The following F13A1 variants were observed in gnomAD, a reference collection of about 807,000 sequenced individuals.
F13A1 encodes coagulation factor XIII A chain.
Under a neutral mutation model 80.1 loss-of-function variants are expected in F13A1, and 47 were observed. That is an observed-to-expected ratio of 0.59 (90% confidence interval 0.46 to 0.75). F13A1 has a LOEUF of 0.75. Among genes scored for constraint, F13A1 ranks in the 30% least tolerant of loss-of-function variants. The pLI is 0.00. For synonymous variants in F13A1, 349 were observed against 344.9 expected (o/e 1.01, Z -0.13); for missense variants, 817 against 930.4 (o/e 0.88, Z 1.59).
chr6:6,171,157 T>G (rs1760765387), intron 12 of F13A1, among the ~76,000 whole-genome samples: 1 of 152,192 alleles, frequency 6.6e-6, no homozygotes, highest in African/African-American at 2.4e-5. Context: ...TTTGGTTCTT[T>G]GTCTAAGGAT....
intron 8 of F13A1, among the ~76,000 whole-genome samples, chr6:6,211,008 G>A (rs1395497674): frequency 1.3e-5 from 2 of 152,222 alleles, no homozygotes; most frequent in Admixed American, 6.5e-5. Flanking sequence ...TGGGATTATA[G>A]GTGTGAGCCA....
At chr6:6,245,162 A>G (rs758022337) in intron 6 of F13A1, among the ~76,000 whole-genome samples, 3 of 152,222 alleles carry the variant, frequency 2.0e-5, no homozygotes, top group Non-Finnish European at 4.4e-5. Context: ...ACCTTCTACA[A>G]CAAACAATTA....
At chr6:6,149,088 T>C (rs975649763) in intron 14 of F13A1, among the ~76,000 whole-genome samples, 1 of 151,954 alleles carries the variant, frequency 6.6e-6, no homozygotes, top group African/African-American at 2.4e-5. Flanking sequence ...TGGGAAGAGG[T>C]TGGCCAATGA....
intron 4 of F13A1, among the ~76,000 whole-genome samples, chr6:6,265,874 T>A (rs1757836355): frequency 6.6e-6 from 1 of 152,252 alleles, no homozygotes; most frequent in African/African-American, 2.4e-5. Flanking sequence ...TCAAGCTTAA[T>A]AAGCCCAATT....
chr6:6,213,123 G>C (rs1026944322), intron 8 of F13A1, among the ~76,000 whole-genome samples: 14 of 152,230 alleles, frequency 9.2e-5, no homozygotes, highest in Admixed American at 6.5e-5. Context: ...CTATCCAGGA[G>C]AATTTCCCCA....
intron 10 of F13A1, among the ~76,000 whole-genome samples, chr6:6,194,253 G>A (rs1030695915): frequency 7.9e-5 from 12 of 152,032 alleles, no homozygotes; most frequent in African/African-American, 2.9e-4. Flanking sequence ...GAGGGACAAG[G>A]AGCAAGTCTC....
Position 6,248,410 on chromosome 6 carries a change from C to T in F13A1, c.700G>A (p.Gly234Ser). 6.2e-7 allele frequency: 1 copy of T among 1,613,290 alleles called. No homozygotes were observed. Among genetic ancestry groups the T allele is most frequent in the South Asian group, 1.1e-5 (1 of 91,040 alleles). The part of the protein sequence containing the change: ...RSWSYGQFED[G>S]ILDTCLYVMD... ...ACATACAGGCAAGTGTCCAGGATGC[C>T]ATCTTCAAACTATTTGGAGAAAGAA... Residue 234 changes from glycine (G) to serine (S), a missense_variant, in exon 6 of 15, where the codon GGC becomes AGC. By Grantham distance (56) the Gly-to-Ser change is moderately conservative. Coordinates refer to ENST00000264870, the MANE Select transcript of F13A1 (RefSeq NM_000129.4).
chr6:6,257,669 A>G (rs1390338245), intron 4 of F13A1, among the ~76,000 whole-genome samples: 5 of 152,238 alleles, frequency 3.3e-5, no homozygotes, highest in Non-Finnish European at 7.3e-5. Context: ...AGATATTGAT[A>G]GTATATCTCC....
chr6:6,292,839 G>C lies in F13A1; in HGVS notation c.319+12512C>G, dbSNP rs1361948410. 2.6e-5 allele frequency among the ~76,000 whole-genome samples: 4 copies of C among 152,132 alleles called. No individual in the cohort carries two copies. In the East Asian group the frequency reaches 5.8e-4, roughly 22 times the overall value. On this transcript the variant is annotated intron_variant, in intron 3 of 14. Coordinates refer to ENST00000264870, the MANE Select transcript of F13A1 (RefSeq NM_000129.4). ...GCTAGGGGGGATGCCCAGCACACAT[G>C]ACTGCGGGTCCACCAGCACCCACTT...
intron 6 of F13A1, among the ~76,000 whole-genome samples, chr6:6,239,355 T>C (rs1757455676): frequency 6.6e-6 from 1 of 152,200 alleles, no homozygotes; most frequent in South Asian, 2.1e-4. Flanking sequence ...GGGAAACTTC[T>C]GAGCTTGTGG....
chr6:6,188,115 T>C (rs1455112369), intron 10 of F13A1, among the ~76,000 whole-genome samples: 6 of 152,302 alleles, frequency 3.9e-5, no homozygotes, highest in African/African-American at 1.4e-4. Flanking sequence ...CTTCTCTCTT[T>C]TTTTCTTTAT....
chr6:6,309,504 C>CAT (rs1758561221), intron 2 of F13A1, among the ~76,000 whole-genome samples: 1 of 152,100 alleles, frequency 6.6e-6, no homozygotes, highest in Non-Finnish European at 1.5e-5. Context: ...CAAGAGAGTG[C>CAT]ATAGTTGCTT....
chr6:6,167,325 ATTTTTTTTTT>A, intron 13 of F13A1, 123 bp downstream of exon 13: 9 of 784,278 alleles, frequency 1.1e-5, no homozygotes, highest in Admixed American at 2.3e-5. Context: ...TAGCACTGGT[ATTTTTTTTTT>A]TTTTTTTTTT....
At chr6:6,239,035 A>G (rs1757451546) in intron 6 of F13A1, among the ~76,000 whole-genome samples, 1 of 152,178 alleles carries the variant, frequency 6.6e-6, no homozygotes, top group Admixed American at 6.6e-5. Flanking sequence ...ACACATACAC[A>G]AAAACACTTG....
intron 3 of F13A1, among the ~76,000 whole-genome samples, chr6:6,295,944 A>T (rs1201780002): frequency 7.1e-6 from 1 of 141,558 alleles, no homozygotes. Flanking sequence ...GAAGGGATCC[A>T]ATTTCAGCTT....
At chr6:6,182,958 T>C (rs1354557552) in intron 10 of F13A1, among the ~76,000 whole-genome samples, 2 of 152,218 alleles carry the variant, frequency 1.3e-5, no homozygotes, top group Non-Finnish European at 2.9e-5. Flanking sequence ...TAAAATGTGC[T>C]ATTTGTGGGA....
chr6:6,241,899 A>G (rs938403191), intron 6 of F13A1, among the ~76,000 whole-genome samples: 1 of 152,204 alleles, frequency 6.6e-6, no homozygotes, highest in African/African-American at 2.4e-5. Context: ...TGTTGCATGA[A>G]GAGGTTTGCT....
intron 13 of F13A1, among the ~76,000 whole-genome samples, chr6:6,166,235 G>A (rs1583051308): frequency 6.6e-6 from 1 of 152,248 alleles, no homozygotes; most frequent in Non-Finnish European, 1.5e-5. Context: ...TTGTGGGGTT[G>A]TTGGTGGTTG....
intron 3 of F13A1, among the ~76,000 whole-genome samples, chr6:6,296,178 G>A (rs1391810194): frequency 1.3e-5 from 2 of 151,820 alleles, no homozygotes; most frequent in Non-Finnish European, 2.9e-5. Context: ...GTCAGGTAGT[G>A]TGATGCCTCC....
Sources: gnomAD v4.1 joint callset for allele counts (sites outside exome capture counted in the v4.1 genomes callset) on GRCh38, gnomAD v4.1.1 for gene constraint, MANE v1.5 for transcripts, NCBI Gene and HGNC (gene_info 2026-07-23, HGNC 2026-07-21) for gene names.